Variants in MTMR7 observed in about 807,000 individuals in gnomAD.
The protein encoded by MTMR7 is myotubularin related protein 7.
In MTMR7, 76 loss-of-function variants were observed where a neutral mutation model predicts 81.2. The ratio of observed to expected loss-of-function variants is 0.94; its 90% CI spans 0.78 to 1.13. The LOEUF (loss-of-function observed/expected upper bound fraction) is 1.13, where lower values mean the gene tolerates loss of function less well. Among genes scored for constraint, MTMR7 ranks in the 50% most tolerant of loss-of-function variants. The pLI is 0.00. For missense variants in MTMR7, 1,044 were observed against 820.0 expected (o/e 1.27, Z -3.34); for synonymous variants, 372 against 289.8 (o/e 1.28, Z -2.88).
At chr8:17,342,665 T>C (rs1187869555) in intron 5 of MTMR7, among the ~76,000 whole-genome samples, 1 of 152,056 alleles carries the variant, frequency 6.6e-6, no homozygotes, top group East Asian at 1.9e-4. Context: ...GCTGGACATA[T>C]TACAGGGGCC....
intron 10 of MTMR7, among the ~76,000 whole-genome samples, chr8:17,307,084 C>T (rs1265680543): frequency 1.3e-5 from 2 of 152,106 alleles, no homozygotes; most frequent in Non-Finnish European, 2.9e-5. Flanking sequence ...GAAGAAACTA[C>T]CATCAGAGTG....
intron 1 of MTMR7, among the ~76,000 whole-genome samples, chr8:17,403,992 A>G (rs925742317): frequency 6.6e-6 from 1 of 152,114 alleles, no homozygotes; most frequent in African/African-American, 2.4e-5. Context: ...GGTTTTTCCA[A>G]ATATAAGATC....
chr8:17,356,588 T>C lies in MTMR7; in HGVS notation c.468+4529A>G, dbSNP rs553060158. The stretch of plus-strand genomic sequence containing the variant: ...CATTATCTGGTTGTGGTGGTGGGTG[T>C]CTGTAATCCCAGCTACTTGGGAGGC... On this transcript the variant is annotated intron_variant, in intron 4 of 13. Transcript: ENST00000180173. Among the ~76,000 whole-genome samples the C allele has an allele frequency of 2.6e-5, 4 of 151,984 alleles. No homozygotes were observed. In the East Asian group the frequency reaches 7.8e-4, roughly 29 times the overall value.
intron 7 of MTMR7, among the ~76,000 whole-genome samples, chr8:17,320,999 T>G (rs1473426683): frequency 1.4e-5 from 1 of 73,074 alleles, no homozygotes; most frequent in Non-Finnish European, 2.4e-5. Flanking sequence ...TCTTGCAGTC[T>G]TTTTTTTTAC....
At chr8:17,397,830 G>A (rs1585121884) in intron 1 of MTMR7, among the ~76,000 whole-genome samples, 1 of 152,084 alleles carries the variant, frequency 6.6e-6, no homozygotes, top group Non-Finnish European at 1.5e-5. Context: ...TGGCCACAGG[G>A]GTACTTGTGT....
chr8:17,328,340 G>C (rs1818802817), intron 7 of MTMR7, among the ~76,000 whole-genome samples: 1 of 152,164 alleles, frequency 6.6e-6, no homozygotes, highest in African/African-American at 2.4e-5. Context: ...GGATGCCTAA[G>C]AGGTAAAAGC....
chr8:17,297,555 C>T lies in MTMR7; in HGVS notation c.*2307G>A, dbSNP rs1460136912. On this transcript the variant is annotated 3_prime_UTR_variant, in exon 14 of 14. Transcript: ENST00000180173. The stretch of plus-strand genomic sequence containing the variant: ...TGCTGGGTCATGGTCAAAATTCTTA[C>T]CTATTTATTTCATATCAACTTTAAA... 1.8e-5 allele frequency: 2 copies of T among 111,450 alleles called. No homozygotes were observed. Among genetic ancestry groups the T allele is most frequent in the African/African-American group, 4.6e-5 (1 of 21,900 alleles). 6.9% of individuals were successfully genotyped at this position (111,450 alleles called of 1,614,324 possible). A position where few individuals can be genotyped will look rare whatever the true frequency, so the allele number is the denominator to read the frequency against.
intron 4 of MTMR7, among the ~76,000 whole-genome samples, chr8:17,357,216 A>G (rs1314044812): frequency 2.6e-5 from 4 of 152,218 alleles, no homozygotes; most frequent in African/African-American, 4.8e-5. Flanking sequence ...CAATTACTTA[A>G]TCTCTCTGTC....
Position 17,297,483 on chromosome 8 carries a change from GTC to G in MTMR7, c.*2377_*2378del, listed in dbSNP as rs375842042. ...AATAAAAATTTATTCTATGGTTTCT[GTC>G]TCTGATCATCACCTTCCATTCTATA... is the stretch of plus-strand genomic sequence containing the variant. On this transcript the variant is annotated 3_prime_UTR_variant, in exon 14 of 14. Coordinates refer to ENST00000180173, the MANE Select transcript of MTMR7 (RefSeq NM_004686.5). 415 of 152,128 alleles carry G rather than the reference GTC, an allele frequency of 2.7e-3. 3 individuals are homozygous for G. Among genetic ancestry groups the G allele is most frequent in the African/African-American group, 9.5e-3 (393 of 41,534 alleles). 9.4% of individuals were successfully genotyped at this position (152,128 alleles called of 1,614,324 possible). A position where few individuals can be genotyped will look rare whatever the true frequency, so the allele number is the denominator to read the frequency against.
intron 1 of MTMR7, among the ~76,000 whole-genome samples, chr8:17,409,749 T>A (rs969565161): frequency 6.6e-6 from 1 of 152,102 alleles, no homozygotes; most frequent in Non-Finnish European, 1.5e-5. Flanking sequence ...CTGATTTAGA[T>A]GGGGGAGTTG....
chr8:17,373,193 A>T lies in MTMR7; in HGVS notation c.72T>A (p.Ala24=), dbSNP rs1449971269. 2.5e-6 allele frequency: 4 copies of T among 1,613,516 alleles called. No individual in the cohort carries two copies. The highest frequency in any genetic ancestry group is 1.3e-5 in the African/African-American group (1 of 74,852). ...LVDRVSPKKA[A]LGTLYLTATH... ...TAGCCGTCAAATACAAAGTACCTAG[A>T]GCTGCTTTTTTAGGAGACACTCGAT... The change falls in exon 2 of 14, where the codon GCT becomes GCA. Residue 24 remains alanine (A), a synonymous_variant. Coordinates refer to ENST00000180173, the MANE Select transcript of MTMR7 (RefSeq NM_004686.5).
At chr8:17,372,030 C>A (rs775873993) in intron 2 of MTMR7, among the ~76,000 whole-genome samples, 2 of 152,014 alleles carry the variant, frequency 1.3e-5, no homozygotes, top group East Asian at 1.9e-4. Flanking sequence ...TTCCCTCCCC[C>A]TCCTCTGCAC....
intron 1 of MTMR7, among the ~76,000 whole-genome samples, chr8:17,400,181 A>G (rs1821384830): frequency 6.6e-6 from 1 of 152,200 alleles, no homozygotes; most frequent in Non-Finnish European, 1.5e-5. Flanking sequence ...CAATACAACA[A>G]TAGTACCGAT....
intron 1 of MTMR7, among the ~76,000 whole-genome samples, chr8:17,398,029 C>T (rs981948206): frequency 5.3e-5 from 8 of 152,168 alleles, no homozygotes; most frequent in African/African-American, 9.7e-5. Context: ...CACCGACGTT[C>T]GCTTAAAGCC....
At chr8:17,353,292 G>T (rs1006729198) in intron 4 of MTMR7, among the ~76,000 whole-genome samples, 1 of 152,202 alleles carries the variant, frequency 6.6e-6, no homozygotes, top group East Asian at 1.9e-4. Context: ...GTGGTAGGTG[G>T]GAATGGGGAG....
At chr8:17,397,333 G>A (rs899532953) in intron 1 of MTMR7, among the ~76,000 whole-genome samples, 1 of 152,122 alleles carries the variant, frequency 6.6e-6, no homozygotes, top group African/African-American at 2.4e-5. Context: ...AGGCTAGAGG[G>A]GAGCTCAATG....
intron 4 of MTMR7, among the ~76,000 whole-genome samples, chr8:17,353,401 C>A (rs982331751): frequency 6.6e-6 from 1 of 152,032 alleles, no homozygotes. Flanking sequence ...CTAAACTATA[C>A]CTTAAAAATG....
Position 17,308,428 on chromosome 8 carries a change from G to A in MTMR7, c.1151+849C>T, listed in dbSNP as rs189489772. ...TTTCCTGGAAAAAATTAGAAAAATA[G>A]AATTCCTGAAAATCACAGAATTAGT... On this transcript the variant is annotated intron_variant, in intron 10 of 13. Transcript: ENST00000180173. Among the ~76,000 whole-genome samples the A allele has an allele frequency of 1.3e-5, 2 of 152,232 alleles. 1 individual carries two copies. Among genetic ancestry groups the A allele is most frequent in the Non-Finnish European group, 2.9e-5 (2 of 68,006 alleles).
intron 7 of MTMR7, among the ~76,000 whole-genome samples, chr8:17,321,500 G>A (rs1246920194): frequency 6.6e-6 from 1 of 152,184 alleles, no homozygotes; most frequent in African/African-American, 2.4e-5. Context: ...TCCCCTGTGT[G>A]CTGAGTGGCA....
Sources: gnomAD v4.1 joint callset for allele counts (sites outside exome capture counted in the v4.1 genomes callset) on GRCh38, gnomAD v4.1.1 for gene constraint, MANE v1.5 for transcripts, NCBI Gene and HGNC (gene_info 2026-07-23, HGNC 2026-07-21) for gene names.